PRKCB: variants seen among roughly 807,000 people sequenced by gnomAD.
The protein encoded by PRKCB is protein kinase C beta type.
In PRKCB, 13 loss-of-function variants were observed where a neutral mutation model predicts 81.5. The ratio of observed to expected loss-of-function variants is 0.16; its 90% CI spans 0.10 to 0.25. The LOEUF (loss-of-function observed/expected upper bound fraction) is 0.25, where lower values mean the gene tolerates loss of function less well. Ranked by LOEUF, PRKCB falls within the 10% of genes least tolerant of loss-of-function variation. The pLI is 1.00. For synonymous variants in PRKCB, 335 were observed against 321.4 expected (o/e 1.04, Z -0.45); for missense variants, 509 against 875.7 (o/e 0.58, Z 5.29).
At chr16:23,854,108 G>A (rs1392470705) in intron 2 of PRKCB, among the ~76,000 whole-genome samples, 6 of 151,160 alleles carry the variant, frequency 4.0e-5, no homozygotes, top group African/African-American at 7.3e-5. Flanking sequence ...ATTACCTTCC[G>A]CCAGGTCCTT....
chr16:23,974,441 A>T (rs1964599129), intron 2 of PRKCB, among the ~76,000 whole-genome samples: 1 of 152,126 alleles, frequency 6.6e-6, no homozygotes, highest in Admixed American at 6.5e-5. Flanking sequence ...TTCCTCTAGG[A>T]TAGGGAAGGG....
chr16:24,137,868 C>T (rs1008673665), intron 9 of PRKCB, among the ~76,000 whole-genome samples: 11 of 152,062 alleles, frequency 7.2e-5, no homozygotes, highest in African/African-American at 2.7e-4. Context: ...ATTATTCATG[C>T]CGTAGTTGTT....
chr16:24,053,397 A>G (rs1965865403), intron 5 of PRKCB, among the ~76,000 whole-genome samples: 1 of 152,254 alleles, frequency 6.6e-6, no homozygotes, highest in Non-Finnish European at 1.5e-5. Context: ...AAGTGGCCAC[A>G]GTGTGCCAAT....
intron 2 of PRKCB, among the ~76,000 whole-genome samples, chr16:23,909,964 G>A (rs1459938877): frequency 6.6e-6 from 1 of 152,138 alleles, no homozygotes; most frequent in African/African-American, 2.4e-5. Flanking sequence ...ACACTGGGGG[G>A]TTAGGCTTCA....
chr16:23,880,490 C>A (rs1963089249), intron 2 of PRKCB, among the ~76,000 whole-genome samples: 1 of 152,070 alleles, frequency 6.6e-6, no homozygotes, highest in South Asian at 2.1e-4. Context: ...CTGGTTTGAG[C>A]TCCAAAAGGT....
intron 5 of PRKCB, among the ~76,000 whole-genome samples, chr16:24,090,919 G>A (rs868138443): frequency 6.6e-6 from 1 of 152,164 alleles, no homozygotes. Flanking sequence ...TGTTTTTCTT[G>A]TTATCTTGAG....
At chr16:23,923,932 G>C (rs1164898840) in intron 2 of PRKCB, among the ~76,000 whole-genome samples, 1 of 152,072 alleles carries the variant, frequency 6.6e-6, no homozygotes, top group Admixed American at 6.5e-5. Flanking sequence ...GGCAAGTCTC[G>C]TATTGGTCCT....
chr16:24,215,285 G>A lies in PRKCB; in HGVS notation c.*469G>A, dbSNP rs78674142. The A allele has an allele frequency of 3.0e-3, 2,913 of 986,502 alleles. 62 individuals are homozygous for A. In the African/African-American group the frequency reaches 0.045, roughly 15 times the overall value. The allele number at this position is 986,502 out of a possible 1,614,324, so 61.1% of individuals were successfully genotyped here. A position where few individuals can be genotyped will look rare whatever the true frequency, so the allele number is the denominator to read the frequency against. Reference sequence around the variant, plus strand: ...TCCCTCTATTTCACCTGTTCTGGAGGCACCAGACCTTGAAAAGAACATGCT... The same window carrying A: ...TCCCTCTATTTCACCTGTTCTGGAGACACCAGACCTTGAAAAGAACATGCT... On this transcript the variant is annotated 3_prime_UTR_variant, in exon 17 of 17. Coordinates refer to ENST00000643927, the MANE Select transcript of PRKCB (RefSeq NM_002738.7).
At chr16:24,020,601 G>A (rs899292880) in intron 3 of PRKCB, among the ~76,000 whole-genome samples, 2 of 152,138 alleles carry the variant, frequency 1.3e-5, no homozygotes, top group Non-Finnish European at 2.9e-5. Context: ...CCATTTTATG[G>A]CTGAGGAACC....
At chr16:23,890,529 T>G (rs1374142555) in intron 2 of PRKCB, among the ~76,000 whole-genome samples, 1 of 152,210 alleles carries the variant, frequency 6.6e-6, no homozygotes, top group East Asian at 1.9e-4. Flanking sequence ...CACTGAAGAC[T>G]TAGGAGCCTG....
chr16:24,193,464 T>TAAAATAAAC (rs1555501771), intron 16 of PRKCB, among the ~76,000 whole-genome samples: 1 of 96,166 alleles, frequency 1.0e-5, no homozygotes, highest in African/African-American at 3.3e-5. Flanking sequence ...AATAAATAAA[T>TAAAATAAAC]AAATAAATAA....
intron 2 of PRKCB, chr16:23,893,119 A>T (rs969891265): frequency 6.6e-6 from 1 of 152,170 alleles, no homozygotes; most frequent in Non-Finnish European, 1.5e-5. Context: ...CCACTACCTG[A>T]ATCCTTTCTC....
chr16:24,021,715 T>A (rs73542867), intron 3 of PRKCB, among the ~76,000 whole-genome samples: 25,812 of 151,924 alleles, frequency 0.17, 2,321 homozygotes, highest in East Asian at 0.26. Flanking sequence ...GGCTCTCCCA[T>A]GTCCTTGCTT....
Position 24,016,790 on chromosome 16 carries a change from C to T in PRKCB, c.289-15346C>T, listed in dbSNP as rs1361490052. On this transcript the variant is annotated intron_variant, in intron 3 of 16. Coordinates refer to ENST00000643927, the MANE Select transcript of PRKCB (RefSeq NM_002738.7). ...TGGCAGCCGTGGTTCTATATCACATCCCACCTCACCCCTTAGCTCAGCCAC... is the reference window on the plus strand; with the variant it reads ...TGGCAGCCGTGGTTCTATATCACATTCCACCTCACCCCTTAGCTCAGCCAC... Among the ~76,000 whole-genome samples the T allele has an allele frequency of 3.9e-5, 6 of 152,212 alleles. 1 individual carries two copies. In the South Asian group the frequency reaches 8.3e-4, roughly 21 times the overall value.
At chr16:23,907,021 G>T (rs1963570549) in intron 2 of PRKCB, among the ~76,000 whole-genome samples, 1 of 152,262 alleles carries the variant, frequency 6.6e-6, no homozygotes, top group Non-Finnish European at 1.5e-5. Flanking sequence ...AGTGTCCCGT[G>T]CTGGGAGGAA....
intron 3 of PRKCB, among the ~76,000 whole-genome samples, chr16:24,011,150 A>G (rs11862774): frequency 0.33 from 50,473 of 152,000 alleles, 8,745 homozygotes; most frequent in African/African-American, 0.41. Context: ...ACTCAGGCAT[A>G]AGCCACCATG....
intron 8 of PRKCB, among the ~76,000 whole-genome samples, chr16:24,116,063 T>G (rs542425644): frequency 2.7e-4 from 41 of 152,302 alleles, no homozygotes; most frequent in African/African-American, 8.9e-4. Context: ...CGTGGTATAT[T>G]TCAGTACGTC....
rs189294604 is a variant in PRKCB at position 23,991,892 on chromosome 16, G to A, written c.288+3302G>A. On this transcript the variant is annotated intron_variant, in intron 3 of 16. Coordinates refer to ENST00000643927, the MANE Select transcript of PRKCB (RefSeq NM_002738.7). ...GGTTATGCTGATTGGCCAGGCCTGG[G>A]TATATGCTGCTGTGGTGTGAATGTT... Among the ~76,000 whole-genome samples, 37 of 152,336 alleles carry A rather than the reference G, an allele frequency of 2.4e-4. No individual in the cohort carries two copies. In the East Asian group the frequency reaches 7.1e-3, roughly 29 times the overall value.
chr16:24,127,513 C>T (rs1251909788), intron 9 of PRKCB, among the ~76,000 whole-genome samples: 1 of 151,966 alleles, frequency 6.6e-6, no homozygotes, highest in Non-Finnish European at 1.5e-5. Context: ...TATTCTTGTC[C>T]TTATTAACTC....
Sources: gnomAD v4.1 joint callset for allele counts (sites outside exome capture counted in the v4.1 genomes callset) on GRCh38, gnomAD v4.1.1 for gene constraint, MANE v1.5 for transcripts, NCBI Gene and HGNC (gene_info 2026-07-23, HGNC 2026-07-21) for gene names.